The following RFC3 variants were observed in gnomAD, a reference collection of about 807,000 sequenced individuals.
RFC3 encodes the protein A1 38 kDa subunit.
RFC3 carries 41 observed loss-of-function variants against 45.1 expected under a neutral mutation model. That is an observed-to-expected ratio of 0.91 (90% CI 0.71 to 1.18). The LOEUF is 1.18. RFC3 is among the 50% of genes most tolerant of loss of function. The pLI, the probability that RFC3 is intolerant of heterozygous loss-of-function variation, is 0.00. For missense variants in RFC3, 423 were observed against 428.1 expected (o/e 0.99, Z 0.10); for synonymous variants, 149 against 144.0 (o/e 1.03, Z -0.25).
At chr13:33,831,186 T>C in intron 6 of RFC3, 70 bp from the exon 7 acceptor site, 1 of 948,784 alleles carries the variant, frequency 1.1e-6, no homozygotes, top group Non-Finnish European at 1.7e-6. Flanking sequence ...GGACCAGTGG[T>C]TGGGGACTCC....
intron 8 of RFC3, among the ~76,000 whole-genome samples, chr13:33,843,083 CA>C (rs891511882): frequency 4.0e-5 from 6 of 151,056 alleles, no homozygotes; most frequent in Admixed American, 3.3e-4. Context: ...AAAAGTAAAA[CA>C]AAAAAACAAA....
intron 8 of RFC3, among the ~76,000 whole-genome samples, chr13:33,949,643 G>A (rs1436278096): frequency 2.6e-5 from 4 of 152,270 alleles, no homozygotes; most frequent in African/African-American, 7.2e-5. Context: ...TTAATTTTAT[G>A]TGTCAACTTG....
rs2082973104 is a variant in RFC3, at chr13:33,949,147, C to T, written c.880-16940C>T. On this transcript the variant is annotated intron_variant, in intron 8 of 8. Transcript: ENST00000434425. ...TGGGAACAGGTAGAGGTAATTGGAG[C>T]ATGGGGGCAGTTTCCCCCATGCTGC... 2.0e-5 allele frequency among the ~76,000 whole-genome samples: 3 copies of T among 152,078 alleles called. No homozygotes were observed. The South Asian group carries it at 6.2e-4, about 32-fold the overall frequency.
chr13:33,830,679 T>C (rs1391553509), intron 5 of RFC3, 40 bp from the exon 6 acceptor site: 4 of 1,557,006 alleles, frequency 2.6e-6, no homozygotes, highest in Non-Finnish European at 3.5e-6. Flanking sequence ...CTTAATCTGC[T>C]TTTTAATGGA....
At position 33,888,498 on chromosome 13, in the gene RFC3, G is replaced by T. The variant is rs553346662; in HGVS notation, c.879+53281G>T. Among the ~76,000 whole-genome samples, 121 of 152,252 alleles carry T rather than the reference G, an allele frequency of 7.9e-4. 2 individuals carry two copies. The highest frequency in any genetic ancestry group is 1.2e-3 in the Non-Finnish European group (82 of 68,030). On this transcript the variant is annotated intron_variant, in intron 8 of 8. Transcript: ENST00000434425. ...TGACTATTTCTCAAGTGCGGAAGCC[G>T]AGTAGCCACAATGCTGCGTTACTCT... is the stretch of plus-strand genomic sequence containing the variant.
intron 8 of RFC3, among the ~76,000 whole-genome samples, chr13:33,955,015 A>G (rs1411134361): frequency 1.2e-4 from 18 of 152,148 alleles, no homozygotes; most frequent in Admixed American, 1.1e-3. Flanking sequence ...GGGCTCAGCA[A>G]TTTGGTTTGG....
At chr13:33,881,777 CT>C in intron 8 of RFC3, among the ~76,000 whole-genome samples, 1 of 152,138 alleles carries the variant, frequency 6.6e-6, no homozygotes, top group East Asian at 1.9e-4. Flanking sequence ...ATGGTTTGTA[CT>C]TTCTTTCCTT....
At chr13:33,943,562 T>C (rs1375638237) in intron 8 of RFC3, among the ~76,000 whole-genome samples, 1 of 152,176 alleles carries the variant, frequency 6.6e-6, no homozygotes, top group Admixed American at 6.5e-5. Context: ...GATCATTATG[T>C]ATTGTGTGCA....
intron 8 of RFC3, among the ~76,000 whole-genome samples, chr13:33,907,678 A>G (rs2082679572): frequency 6.6e-6 from 1 of 152,068 alleles, no homozygotes; most frequent in Non-Finnish European, 1.5e-5. Context: ...ACAAAAAGAC[A>G]ATGAAGAACA....
the RFC3 span, among the ~76,000 whole-genome samples, chr13:33,973,167 T>C: frequency 1.8e-4 from 28 of 151,588 alleles, no homozygotes; most frequent in Non-Finnish European, 3.0e-4. Context: ...TATATATATA[T>C]ACATAAGTAA....
At chr13:33,955,635 A>G (rs1426973008) in intron 8 of RFC3, among the ~76,000 whole-genome samples, 1 of 152,228 alleles carries the variant, frequency 6.6e-6, no homozygotes, top group South Asian at 2.1e-4. Flanking sequence ...AAAATATCAA[A>G]TTAGCTGGCC....
chr13:33,904,301 G>T (rs1232896378), intron 8 of RFC3, among the ~76,000 whole-genome samples: 5 of 151,908 alleles, frequency 3.3e-5, no homozygotes, highest in African/African-American at 1.2e-4. Flanking sequence ...TGACTTTCCT[G>T]TTTTTTTCTT....
At chr13:33,834,385 TTCTC>T (rs1265002754) in intron 7 of RFC3, among the ~76,000 whole-genome samples, 5 of 145,190 alleles carry the variant, frequency 3.4e-5, no homozygotes, top group African/African-American at 7.7e-5. Flanking sequence ...ATTTGGAACT[TTCTC>T]TCTTTTTTTT....
chr13:33,893,076 G>A (rs903305492), intron 8 of RFC3, among the ~76,000 whole-genome samples: 2 of 152,186 alleles, frequency 1.3e-5, no homozygotes, highest in African/African-American at 4.8e-5. Flanking sequence ...CAGGCCGAGA[G>A]AAGGGAAGGA....
chr13:33,904,916 A>G (rs1208680028), intron 8 of RFC3, among the ~76,000 whole-genome samples: 1 of 152,072 alleles, frequency 6.6e-6, no homozygotes, highest in Non-Finnish European at 1.5e-5. Context: ...AAGACCGAAC[A>G]ATATGTTGTT....
downstream of RFC3, among the ~76,000 whole-genome samples, chr13:33,970,303 T>G (rs2083104787): frequency 6.6e-6 from 1 of 152,244 alleles, no homozygotes; most frequent in African/African-American, 2.4e-5. Flanking sequence ...CCATGGTATA[T>G]ATGTACCATA....
the RFC3 span, among the ~76,000 whole-genome samples, chr13:33,973,942 G>A: frequency 2.4e-4 from 37 of 152,146 alleles, no homozygotes; most frequent in Admixed American, 2.4e-3. Context: ...AAGACTCAAA[G>A]GCACCTCTGA....
intron 8 of RFC3, among the ~76,000 whole-genome samples, chr13:33,866,690 TA>T (rs1217403455): frequency 6.6e-6 from 1 of 152,144 alleles, no homozygotes; most frequent in Admixed American, 6.5e-5. Flanking sequence ...GGTTTTTCCT[TA>T]AAAGCCTTCT....
chr13:33,873,864 T>A lies in RFC3; in HGVS notation c.879+38647T>A, dbSNP rs143129951. Among the ~76,000 whole-genome samples the A allele has an allele frequency of 4.8e-4, 73 of 152,366 alleles. No individual in the cohort carries two copies. The East Asian group carries it at 0.014, about 29-fold the overall frequency. On this transcript the variant is annotated intron_variant, in intron 8 of 8. Transcript: ENST00000434425. Reference sequence around the variant, plus strand: ...AAGTCCTTTAAAAATGTTTATTCATTTTAATCAGAGGCAGTCTTCCTTTAA... The same window carrying A: ...AAGTCCTTTAAAAATGTTTATTCATATTAATCAGAGGCAGTCTTCCTTTAA...
Sources: allele counts gnomAD v4.1 joint callset (sites outside exome capture counted in the v4.1 genomes callset), GRCh38; gene constraint gnomAD v4.1.1; transcripts MANE v1.5; gene names NCBI Gene and HGNC (gene_info 2026-07-23, HGNC 2026-07-21).